Variants in DIAPH3 observed in about 807,000 individuals in gnomAD.
DIAPH3 encodes the protein protein diaphanous homolog 3.
Under a neutral mutation model 144.3 loss-of-function variants are expected in DIAPH3, and 117 were observed. The ratio of observed to expected loss-of-function variants is 0.81; its 90% CI spans 0.70 to 0.95. DIAPH3 has a LOEUF of 0.95. Ranked by LOEUF, DIAPH3 falls within the 40% of genes least tolerant of loss-of-function variation. The pLI, the probability that DIAPH3 is intolerant of heterozygous loss-of-function variation, is 0.00. For synonymous variants in DIAPH3, 519 were observed against 488.9 expected (o/e 1.06, Z -0.81); for missense variants, 1,421 against 1,412.7 (o/e 1.01, Z -0.09).
intron 1 of DIAPH3, chr13:60,144,994 G>C (rs1454830313): frequency 6.6e-6 from 1 of 152,116 alleles, no homozygotes; most frequent in Non-Finnish European, 1.5e-5. Flanking sequence ...GGGTCCCTAG[G>C]TACCCATATG....
intron 22 of DIAPH3, among the ~76,000 whole-genome samples, chr13:59,853,224 A>G (rs1394929073): frequency 1.3e-5 from 2 of 152,178 alleles, no homozygotes; most frequent in Non-Finnish European, 2.9e-5. Context: ...CTATAATCTA[A>G]TTGCAAACAC....
At position 60,161,936 on chromosome 13, in the gene DIAPH3, G is replaced by A. The variant is rs914141234; in HGVS notation, c.180+1651C>T. On this transcript the variant is annotated intron_variant, in intron 1 of 27. Coordinates refer to ENST00000400324, the MANE Select transcript of DIAPH3 (RefSeq NM_001042517.2). ...TGATAACAAAATTAATGAACTGGAA[G>A]ATATAACTAAAGAAATTACCATATA... Among the ~76,000 whole-genome samples, 6 of 152,104 alleles carry A rather than the reference G, an allele frequency of 3.9e-5. No individual in the cohort carries two copies. The East Asian group carries it at 1.2e-3, about 29-fold the overall frequency.
At chr13:59,801,334 G>T (rs909767570) in intron 25 of DIAPH3, among the ~76,000 whole-genome samples, 1 of 152,158 alleles carries the variant, frequency 6.6e-6, no homozygotes, top group Non-Finnish European at 1.5e-5. Context: ...AATTGCCACA[G>T]AATCAGTGTT....
chr13:59,753,329 G>C (rs190077963), intron 27 of DIAPH3, among the ~76,000 whole-genome samples: 2 of 152,310 alleles, frequency 1.3e-5, no homozygotes, highest in African/African-American at 4.8e-5. Flanking sequence ...GAGATCAAGA[G>C]TGTTTATAAA....
intron 24 of DIAPH3, among the ~76,000 whole-genome samples, chr13:59,817,239 A>G (rs1163072374): frequency 6.6e-6 from 1 of 151,916 alleles, no homozygotes; most frequent in African/African-American, 2.4e-5. Flanking sequence ...TAATTGTTTA[A>G]CGCTTGTCTT....
At chr13:59,893,451 G>A (rs1437392377) in intron 20 of DIAPH3, among the ~76,000 whole-genome samples, 1 of 152,138 alleles carries the variant, frequency 6.6e-6, no homozygotes, top group Non-Finnish European at 1.5e-5. Flanking sequence ...AGATTGATCA[G>A]TGGACCAGGT....
At chr13:59,814,326 A>C (rs943364500) in intron 24 of DIAPH3, among the ~76,000 whole-genome samples, 1 of 152,178 alleles carries the variant, frequency 6.6e-6, no homozygotes, top group Non-Finnish European at 1.5e-5. Context: ...AGGAGTTCTT[A>C]AACCTATTTT....
intron 27 of DIAPH3, among the ~76,000 whole-genome samples, chr13:59,723,671 C>T (rs970927050): frequency 1.3e-5 from 2 of 151,414 alleles, no homozygotes; most frequent in Admixed American, 6.6e-5. Flanking sequence ...TGTGCAGTGG[C>T]GCAATCTCGG....
At chr13:59,783,883 T>C (rs1244887844) in intron 25 of DIAPH3, among the ~76,000 whole-genome samples, 1 of 152,146 alleles carries the variant, frequency 6.6e-6, no homozygotes. Context: ...GGAGACATTG[T>C]GTAGTGACAA....
In DIAPH3 at chr13:60,105,103, A is replaced by AAAAAAAAAAC. The variant is rs1555375916; in HGVS notation, c.390+6906_390+6907insGTTTTTTTTT. Among the ~76,000 whole-genome samples the AAAAAAAAAAC allele has an allele frequency of 3.0e-3, 296 of 97,748 alleles. 10 individuals are homozygous for AAAAAAAAAAC. Among genetic ancestry groups the AAAAAAAAAAC allele is most frequent in the Non-Finnish European group, 4.0e-3 (196 of 49,618 alleles). The allele number at this position is 97,748 out of a possible 152,430, so 64.1% of individuals were successfully genotyped here. Reference sequence around the variant, plus strand: ...CGACAAAGTGAGACACGATCTCAAAAAAAAAAAAAAAAAAAAAAAAAACTG... The same window carrying AAAAAAAAAAC: ...CGACAAAGTGAGACACGATCTCAAAAAAAAAAAAACAAAAAAAAAAAAAAAAAAAAAACTG... On this transcript the variant is annotated intron_variant, in intron 3 of 27. Transcript: ENST00000400324.
At chr13:59,677,107 C>A (rs2032683074) in intron 27 of DIAPH3, among the ~76,000 whole-genome samples, 1 of 152,034 alleles carries the variant, frequency 6.6e-6, no homozygotes, top group Admixed American at 6.6e-5. Flanking sequence ...TAGCACAGTG[C>A]CCACCTCATA....
intron 7 of DIAPH3, chr13:60,013,069 AT>A: frequency 1.0e-6 from 1 of 985,404 alleles, no homozygotes; most frequent in Non-Finnish European, 1.2e-6. Flanking sequence ...ATTAAAGTGC[AT>A]TTAATGAGGG....
At chr13:59,963,387 T>G (rs1398743008) in intron 17 of DIAPH3, among the ~76,000 whole-genome samples, 2 of 152,198 alleles carry the variant, frequency 1.3e-5, no homozygotes, top group African/African-American at 2.4e-5. Flanking sequence ...AAGAATATAC[T>G]ATACTGTTTA....
chr13:59,914,997 C>T (rs142688519), intron 19 of DIAPH3, among the ~76,000 whole-genome samples: 68 of 152,230 alleles, frequency 4.5e-4, no homozygotes, highest in Non-Finnish European at 8.4e-4. Context: ...AGCAAATCAT[C>T]TCTTTTCTAT....
chr13:59,917,561 C>G (rs2047281533), intron 18 of DIAPH3, among the ~76,000 whole-genome samples: 1 of 151,896 alleles, frequency 6.6e-6, no homozygotes, highest in Non-Finnish European at 1.5e-5. Context: ...CTTAATATCC[C>G]AAGAACAAGA....
chr13:59,748,944 T>A (rs2036840522), intron 27 of DIAPH3, among the ~76,000 whole-genome samples: 1 of 152,114 alleles, frequency 6.6e-6, no homozygotes. Context: ...TCAGGTGCGG[T>A]GGCTCATGCC....
chr13:60,130,238 A>G (rs1740226393), intron 2 of DIAPH3, among the ~76,000 whole-genome samples: 1 of 152,218 alleles, frequency 6.6e-6, no homozygotes, highest in African/African-American at 2.4e-5. Flanking sequence ...TGTTGAAGAT[A>G]GCCATGCTTA....
intron 27 of DIAPH3, among the ~76,000 whole-genome samples, chr13:59,683,535 G>A (rs570940868): frequency 6.6e-6 from 1 of 152,196 alleles, no homozygotes; most frequent in African/African-American, 2.4e-5. Context: ...ATATTTAGGG[G>A]ACTCATTGAA....
At chr13:59,931,249 G>T (rs984736200) in intron 17 of DIAPH3, among the ~76,000 whole-genome samples, 27 of 152,016 alleles carry the variant, frequency 1.8e-4, no homozygotes, top group African/African-American at 6.3e-4. Context: ...CCTCACCATT[G>T]CCCTGGCTAC....
Sources: gnomAD v4.1 joint callset for allele counts (sites outside exome capture counted in the v4.1 genomes callset) on GRCh38, gnomAD v4.1.1 for gene constraint, MANE v1.5 for transcripts, NCBI Gene and HGNC (gene_info 2026-07-23, HGNC 2026-07-21) for gene names.